LRFN1: variants seen among roughly 807,000 people sequenced by gnomAD.
The protein encoded by LRFN1 is leucine rich repeat and fibronectin type III domain containing 1, also known as leucine-rich repeat and fibronectin type III domain-containing protein 1.
LRFN1 carries 20 observed loss-of-function variants against 31.8 expected under a neutral mutation model. The ratio of observed to expected loss-of-function variants is 0.63; its 90% CI spans 0.44 to 0.91. The LOEUF (loss-of-function observed/expected upper bound fraction) is 0.91, where lower values mean the gene tolerates loss of function less well. LRFN1 is among the 40% of genes least tolerant of loss of function. The pLI is 0.00. For missense variants in LRFN1, 912 were observed against 1,129.8 expected (o/e 0.81, Z 2.76); for synonymous variants, 514 against 541.3 (o/e 0.95, Z 0.70).
intron 1 of LRFN1, among the ~76,000 whole-genome samples, chr19:39,319,640 G>A (rs959478898): frequency 6.6e-6 from 1 of 152,102 alleles, no homozygotes; most frequent in African/African-American, 2.4e-5. Flanking sequence ...ACAGTCAGTA[G>A]ACAGGCCCAG....
chr19:39,309,402 C>A (rs183373956), intron 4 of LRFN1, among the ~76,000 whole-genome samples: 2 of 144,684 alleles, frequency 1.4e-5, no homozygotes, highest in Non-Finnish European at 3.0e-5. Flanking sequence ...TGCAGTGAGC[C>A]GAGACCACAT....
In LRFN1 at chr19:39,314,488, G is replaced by A. The variant is rs749499804; in HGVS notation, c.849C>T (p.Asp283=). Residue 283 remains aspartate, a synonymous_variant, in exon 4 of 5, where the codon GAC becomes GAT. Coordinates refer to ENST00000248668, the MANE Select transcript of LRFN1 (RefSeq NM_020862.2). Reference sequence around the variant, plus strand: ...CCTCGGGGATGGACCAGAAGTAGCGGTCGGTGAGGTGTTCGGGCGTGGCGC... The same window carrying A: ...CCTCGGGGATGGACCAGAAGTAGCGATCGGTGAGGTGTTCGGGCGTGGCGC... ...ETCATPEHLT[D]RYFWSIPEEE... 7 of 1,610,776 alleles carry A rather than the reference G, an allele frequency of 4.3e-6. No individual in the cohort carries two copies. Among genetic ancestry groups the A allele is most frequent in the Middle Eastern group, 1.7e-4 (1 of 6,058 alleles).
chr19:39,308,682 C>T lies in LRFN1; in HGVS notation c.1407-140G>A, dbSNP rs1654431726. ...CGCTACTGAGACAACAGCAGCAATTCAAGCCCCGCCTCCATCAACATATTC... is the reference window on the plus strand; with the variant it reads ...CGCTACTGAGACAACAGCAGCAATTTAAGCCCCGCCTCCATCAACATATTC... On this transcript the variant is annotated intron_variant, in intron 4 of 4. Coordinates refer to ENST00000248668, the MANE Select transcript of LRFN1 (RefSeq NM_020862.2). This position sits in a 1 kb window ranked among gnomAD's most constrained non-coding sequence, Gnocchi z 6.2. 1 of 756,512 alleles carries T rather than the reference C, an allele frequency of 1.3e-6. No individual in the cohort carries two copies. Among genetic ancestry groups the T allele is most frequent in the Non-Finnish European group, 2.1e-6 (1 of 479,482 alleles). The allele number at this position is 756,512 out of a possible 1,614,324, so 46.9% of individuals were successfully genotyped here.
At chr19:39,320,647 G>A (rs984929046) in intron 1 of LRFN1, 146 bp downstream of exon 1, 9 of 151,286 alleles carry the variant, frequency 5.9e-5, no homozygotes, top group African/African-American at 2.2e-4. Context: ...CGCACACGCC[G>A]GCACCGGGCA....
intron 4 of LRFN1, among the ~76,000 whole-genome samples, chr19:39,309,027 C>T (rs979809518): frequency 2.0e-5 from 3 of 152,248 alleles, no homozygotes; most frequent in Admixed American, 1.3e-4. Context: ...CTAAGGTCAG[C>T]TCACAGCGCC....
In LRFN1 at chr19:39,308,721, C is replaced by T. The variant is rs890537301; in HGVS notation, c.1407-179G>A. On this transcript the variant is annotated intron_variant, in intron 4 of 4. Coordinates refer to ENST00000248668, the MANE Select transcript of LRFN1 (RefSeq NM_020862.2). The surrounding 1 kb of genome is among the most constrained non-coding windows in gnomAD (Gnocchi z 6.2). ...ATCAACATATTCCCACCCTTTCACA[C>T]CCCTCATCTGTATGCCCCGCCCTCA... 1.3e-5 allele frequency among the ~76,000 whole-genome samples: 2 copies of T among 152,186 alleles called. No individual in the cohort carries two copies. Among genetic ancestry groups the T allele is most frequent in the African/African-American group, 4.8e-5 (2 of 41,438 alleles).
intron 4 of LRFN1, among the ~76,000 whole-genome samples, chr19:39,311,240 C>T (rs2075149547): frequency 6.6e-6 from 1 of 152,184 alleles, no homozygotes; most frequent in Non-Finnish European, 1.5e-5. Flanking sequence ...GGAAGTTAAC[C>T]CCTGCGGCAC....
chr19:39,314,106 T>C lies in LRFN1; in HGVS notation c.1231A>G (p.Ile411Val). The C allele has an allele frequency of 6.2e-7, 1 of 1,612,432 alleles. No homozygotes were observed. The highest frequency in any genetic ancestry group is 8.5e-7 in the Non-Finnish European group (1 of 1,179,324). ...GCACCTGGTCTGCCCGGCGTGGCGA[T>C]GTCAGAGGAGCCGGGCTCGGTGAGA... ...PPLTEPGSSD[I>V]ATPGRPGAND... Residue 411 changes from isoleucine to valine, a missense_variant, in exon 4 of 5, where the codon ATC (isoleucine) becomes GTC (valine). Ile to Val is a conservative substitution (Grantham distance 29). This residue lies in a region of LRFN1 where 511 missense variants were observed against 557.0 expected (regional missense o/e 0.92). Transcript: ENST00000248668.
Position 39,315,394 on chromosome 19 carries a change from T to G in LRFN1, c.-37-21A>C. ...GAGACCTGCCGGGGAAGGAGCCGGT[T>G]ACCCAGGCGTGGGACTTGGCCGCCA... On this transcript the variant is annotated intron_variant, in intron 3 of 4. Transcript: ENST00000248668. This position sits in a 1 kb window ranked among gnomAD's most constrained non-coding sequence, Gnocchi z 4.7. 2.9e-4 allele frequency: 409 copies of G among 1,399,322 alleles called. No homozygotes were observed. The highest frequency in any genetic ancestry group is 3.6e-4 in the Non-Finnish European group (382 of 1,067,898). The allele number at this position is 1,399,322 out of a possible 1,614,324, so 86.7% of individuals were successfully genotyped here.
rs1486864712 is a variant in LRFN1 at position 39,307,638 on chromosome 19, C to T, written c.2311G>A (p.Val771Met). Residue 771 changes from valine (V) to methionine (M), a missense_variant, in exon 5 of 5, where the codon GTG becomes ATG. Val to Met is a conservative substitution (Grantham distance 21, BLOSUM62 1). Coordinates refer to ENST00000248668, the MANE Select transcript of LRFN1 (RefSeq NM_020862.2). The surrounding 1 kb of genome is among the most constrained non-coding windows in gnomAD (Gnocchi z 6.7). ...TCCCGGCGCCCGCCCGCCGCTCACACGGTACTCTCCAGCATCCACTCGGTG... is the reference window on the plus strand; with the variant it reads ...TCCCGGCGCCCGCCCGCCGCTCACATGGTACTCTCCAGCATCCACTCGGTG... ...TSTEWMLEST[V>M] is the part of the protein sequence containing the mutation. The T allele has an allele frequency of 2.8e-6, 4 of 1,415,790 alleles. No homozygotes were observed. In the African/African-American group the frequency reaches 4.6e-5, roughly 16 times the overall value. The allele number at this position is 1,415,790 out of a possible 1,614,324, so 87.7% of individuals were successfully genotyped here. A position where few individuals can be genotyped will look rare whatever the true frequency, so the allele number is the denominator to read the frequency against.
chr19:39,308,949 C>A lies in LRFN1; in HGVS notation c.1407-407G>T, dbSNP rs1181711339. On this transcript the variant is annotated intron_variant, in intron 4 of 4. Transcript: ENST00000248668. This position sits in a 1 kb window ranked among gnomAD's most constrained non-coding sequence, Gnocchi z 6.2. The stretch of plus-strand genomic sequence containing the variant: ...GTCCTTCATCTAGGCATTTCTACCC[C>A]AAAACTGGGCCAACGCTACTGGCCA... Among the ~76,000 whole-genome samples the A allele has an allele frequency of 6.6e-6, 1 of 152,190 alleles. No individual in the cohort carries two copies. Among genetic ancestry groups the A allele is most frequent in the Non-Finnish European group, 1.5e-5 (1 of 68,042 alleles).
In LRFN1 at chr19:39,308,190, T is replaced by C; in HGVS notation, c.1759A>G (p.Asn587Asp). 3 of 1,597,882 alleles carry C rather than the reference T, an allele frequency of 1.9e-6. No individual in the cohort carries two copies. The highest frequency in any genetic ancestry group is 2.6e-6 in the Non-Finnish European group (3 of 1,170,876). Residue 587 changes from asparagine (N) to aspartate (D), a missense_variant, in exon 5 of 5, where the codon AAC (asparagine) becomes GAC (aspartate). Coordinates refer to ENST00000248668, the MANE Select transcript of LRFN1 (RefSeq NM_020862.2). The surrounding 1 kb of genome is among the most constrained non-coding windows in gnomAD (Gnocchi z 6.2). ...PRVSHVCSQT[N>D]GAGTGAAQAP... Reference sequence around the variant, plus strand: ...TGTGCCGCGCCTGTGCCTGCGCCGTTGGTCTGCGAGCACACGTGGCTGACC... The same window carrying C: ...TGTGCCGCGCCTGTGCCTGCGCCGTCGGTCTGCGAGCACACGTGGCTGACC...
At position 39,314,052 on chromosome 19, in the gene LRFN1, C is replaced by A; in HGVS notation, c.1285G>T (p.Val429Leu). Residue 429 changes from valine to leucine, a missense_variant, in exon 4 of 5, where the codon GTG (valine) becomes TTG (leucine). Val to Leu is a conservative substitution (Grantham distance 32). This residue lies in a region of LRFN1 where 511 missense variants were observed against 557.0 expected (regional missense o/e 0.92). Coordinates refer to ENST00000248668, the MANE Select transcript of LRFN1 (RefSeq NM_020862.2). ...ANDSAAERRL[V>L]AAELTSNSVL... is the part of the protein sequence containing the mutation. ...GAGTTCGAGGTGAGCTCGGCTGCCA[C>A]GAGCCGACGCTCAGCCGCAGAATCG... The A allele has an allele frequency of 6.2e-7, 1 of 1,611,128 alleles. No homozygotes were observed. Among genetic ancestry groups the A allele is most frequent in the Non-Finnish European group, 8.5e-7 (1 of 1,179,676 alleles).
In LRFN1 at chr19:39,308,261, C is replaced by G. The variant is rs770928915; in HGVS notation, c.1688G>C (p.Gly563Ala). Residue 563 changes from glycine to alanine, a missense_variant, in exon 5 of 5, where the codon GGC (glycine) becomes GCC (alanine). This residue lies in a region of LRFN1 where 511 missense variants were observed against 557.0 expected (regional missense o/e 0.92). Transcript: ENST00000248668. This position sits in a 1 kb window ranked among gnomAD's most constrained non-coding sequence, Gnocchi z 6.2. ...VLLMIRYKVY[G>A]DGDSRRVKGS... ...CTTGACGCGGCGGCTGTCCCCGTCG[C>G]CATACACCTTATAGCGGATCATGAG... The G allele has an allele frequency of 6.2e-7, 1 of 1,613,070 alleles. No individual in the cohort carries two copies. Among genetic ancestry groups the G allele is most frequent in the Admixed American group, 1.7e-5 (1 of 59,992 alleles).
At position 39,314,216 on chromosome 19, in the gene LRFN1, T is replaced by C. The variant is rs1284609242; in HGVS notation, c.1121A>G (p.Asn374Ser). 8 of 1,613,098 alleles carry C rather than the reference T, an allele frequency of 5.0e-6. No individual in the cohort carries two copies. The South Asian group carries it at 6.6e-5, about 13-fold the overall frequency. ...GGGCGCCGTCGCTTCCCCAGCAGCA[T>C]TGGAGGCGATACAAGTGAAGGTGCC... ...DSGTFTCIAS[N>S]AAGEATAPVE... Residue 374 changes from asparagine to serine, a missense_variant, in exon 4 of 5, where the codon AAT becomes AGT. Around this residue, in one of 2 missense-constraint regions of LRFN1, gnomAD observed 401 missense variants for 572.7 expected, o/e 0.70. Transcript: ENST00000248668.
intron 4 of LRFN1, among the ~76,000 whole-genome samples, chr19:39,311,511 C>G (rs1401692231): frequency 4.6e-5 from 7 of 152,202 alleles, no homozygotes; most frequent in Non-Finnish European, 1.0e-4. Context: ...CATCTCCCTT[C>G]CAAGCAGTGG....
chr19:39,320,784 C>T lies in LRFN1; in HGVS notation c.-126+9G>A, dbSNP rs2075186281. ...CCGCCGCTCCCGGGCCGCTGCAGGC[C>T]GCGCTCACCCAGCCCGGGGGGGCCC... is the stretch of plus-strand genomic sequence containing the variant. On this transcript the variant is annotated intron_variant, in intron 1 of 4. Coordinates refer to ENST00000248668, the MANE Select transcript of LRFN1 (RefSeq NM_020862.2). 6.8e-6 allele frequency: 1 copy of T among 146,940 alleles called. No homozygotes were observed. Among genetic ancestry groups the T allele is most frequent in the Admixed American group, 6.8e-5 (1 of 14,750 alleles). The allele number at this position is 146,940 out of a possible 1,614,324, so 9.1% of individuals were successfully genotyped here. A position where few individuals can be genotyped will look rare whatever the true frequency, so the allele number is the denominator to read the frequency against.
At position 39,314,832 on chromosome 19, in the gene LRFN1, G is replaced by A. The variant is rs924405473; in HGVS notation, c.505C>T (p.Leu169=). 4 of 1,612,610 alleles carry A rather than the reference G, an allele frequency of 2.5e-6. No individual in the cohort carries two copies. The highest frequency in any genetic ancestry group is 1.1e-5 in the South Asian group (1 of 90,788). ...AGGGCCTCCAGGTTGTTGTAGGACA[G>A]ATCCAGGTCCTCCACGGTGGACAGG... ...AFLSTVEDLD[L]SYNNLEALPW... is the part of the protein sequence containing the mutation. Residue 169 remains leucine (L), a synonymous_variant, in exon 4 of 5, where the codon CTG becomes TTG. Coordinates refer to ENST00000248668, the MANE Select transcript of LRFN1 (RefSeq NM_020862.2).
At chr19:39,312,310 G>T (rs1447733833) in intron 4 of LRFN1, among the ~76,000 whole-genome samples, 1 of 152,032 alleles carries the variant, frequency 6.6e-6, no homozygotes, top group Non-Finnish European at 1.5e-5. Context: ...AGGAGCTGGG[G>T]CTCTCCACAG....
Sources: gnomAD v4.1 joint callset for allele counts (sites outside exome capture counted in the v4.1 genomes callset) on GRCh38, gnomAD v4.1.1 for gene constraint, gnomAD v4.1.1 regional missense constraint, Gnocchi (gnomAD v3.1) non-coding constraint, MANE v1.5 for transcripts, NCBI Gene and HGNC (gene_info 2026-07-23, HGNC 2026-07-21) for gene names.